Variants in TCEA2 observed in about 807,000 individuals in gnomAD.
TCEA2 encodes the protein transcription elongation factor A2.
Under a neutral mutation model 40.8 loss-of-function variants are expected in TCEA2, and 21 were observed. The ratio of observed to expected loss-of-function variants is 0.51; its 90% confidence interval spans 0.36 to 0.74. The LOEUF (loss-of-function observed/expected upper bound fraction) is 0.74. TCEA2 is among the 30% of genes least tolerant of loss of function. TCEA2 has a pLI of 0.00. For synonymous variants in TCEA2, 165 were observed against 162.7 expected (o/e 1.01, Z -0.11); for missense variants, 326 against 426.5 (o/e 0.76, Z 2.08).
Position 64,068,078 on chromosome 20 carries a change from G to C in TCEA2, c.273G>C (p.Gly91=). 1 of 1,608,448 alleles carries C rather than the reference G, an allele frequency of 6.2e-7. No individual in the cohort carries two copies. The highest frequency in any genetic ancestry group is 1.1e-5 in the South Asian group (1 of 89,588). ...DASDAKARER[G]RGMPLPTSSR... ...CCGATGCCAAAGCCAGGGAGCGGGGGAGGGGCATGCCTCTGCCCACGTCCT... is the reference window on the plus strand; with the variant it reads ...CCGATGCCAAAGCCAGGGAGCGGGGCAGGGGCATGCCTCTGCCCACGTCCT... Residue 91 remains glycine (G), a synonymous_variant, in exon 4 of 10, where the codon GGG becomes GGC. Transcript: ENST00000343484.
At chr20:64,058,629 G>A (rs1421994170), upstream of TCEA2, among the ~76,000 whole-genome samples, 2 of 152,222 alleles carry the variant, frequency 1.3e-5, no homozygotes, top group African/African-American at 2.4e-5. The surrounding 1 kb of genome is among the most constrained non-coding windows in gnomAD (Gnocchi z 6.7). Flanking sequence ...TGGAATTCAC[G>A]GGGTCATAAA....
chr20:64,056,991 C>G (rs2059480198), upstream of TCEA2: 1 of 152,336 alleles, frequency 6.6e-6, no homozygotes, highest in Admixed American at 6.5e-5. Flanking sequence ...GTGGAGGACA[C>G]CCTGGAGGAG....
upstream of TCEA2, among the ~76,000 whole-genome samples, chr20:64,055,608 C>T (rs962833520): frequency 2.6e-5 from 4 of 152,266 alleles, no homozygotes; most frequent in African/African-American, 9.6e-5. This position sits in a 1 kb window ranked among gnomAD's most constrained non-coding sequence, Gnocchi z 4.0. Context: ...GGATGAGGCT[C>T]AGAGGGAACA....
At chr20:64,059,326 C>T (rs982517552), upstream of TCEA2, among the ~76,000 whole-genome samples, 1 of 152,138 alleles carries the variant, frequency 6.6e-6, no homozygotes, top group Admixed American at 6.5e-5. Context: ...CCATCTTGCC[C>T]GACCGCCCCC....
chr20:64,071,209 G>A (rs1205641696), intron 8 of TCEA2, among the ~76,000 whole-genome samples: 1 of 152,190 alleles, frequency 6.6e-6, no homozygotes, highest in Non-Finnish European at 1.5e-5. Context: ...TTAGCTGGGC[G>A]TGGTGGCGCA....
chr20:64,070,370 T>C lies in TCEA2; in HGVS notation c.628T>C (p.Cys210Arg). Residue 210 changes from cysteine to arginine, a missense_variant, in exon 7 of 10, where the codon TGT (cysteine) becomes CGT (arginine). Coordinates refer to ENST00000343484, the MANE Select transcript of TCEA2 (RefSeq NM_003195.6). ...CCCTGACCTGCGGCGGAATGTGCTG[T>C]GTGGGGCCATAACACCCCAGCAGAT... is the stretch of plus-strand genomic sequence containing the variant. Reference protein sequence around the residue: ...KNPDLRRNVLCGAITPQQIAV... With the variant: ...KNPDLRRNVLRGAITPQQIAV... The C allele has an allele frequency of 6.2e-7, 1 of 1,614,190 alleles. No individual in the cohort carries two copies. Among genetic ancestry groups the C allele is most frequent in the African/African-American group, 1.3e-5 (1 of 75,054 alleles).
At position 64,069,409 on chromosome 20, in the gene TCEA2, C is replaced by G; in HGVS notation, c.378C>G (p.Thr126=). The G allele has an allele frequency of 6.2e-7, 1 of 1,612,260 alleles. No individual in the cohort carries two copies. Among genetic ancestry groups the G allele is most frequent in the South Asian group, 1.1e-5 (1 of 90,712 alleles). The change falls in exon 5 of 10, where the codon ACC becomes ACG. Residue 126 remains threonine (T), a synonymous_variant. Transcript: ENST00000343484. ...GGGCACCGTCGACTCCGAGGATCAC[C>G]ACATTTCCTCCGGTGCCTGTCACCT... ...LPRAPSTPRI[T]TFPPVPVTCD...
chr20:64,063,196 C>A, upstream of TCEA2: 1 of 927,448 alleles, frequency 1.1e-6, no homozygotes, highest in Non-Finnish European at 1.4e-6. Context: ...GGTCTGTCGT[C>A]CGCGGCGGGG....
At chr20:64,067,449 G>A (rs777962839) in intron 3 of TCEA2, among the ~76,000 whole-genome samples, 3 of 151,552 alleles carry the variant, frequency 2.0e-5, no homozygotes, top group Non-Finnish European at 2.9e-5. Flanking sequence ...GGAACAGAGG[G>A]GCAGCCCCCT....
chr20:64,072,326 T>G lies in TCEA2; in HGVS notation c.*146T>G. 1 of 887,348 alleles carries G rather than the reference T, an allele frequency of 1.1e-6. No individual in the cohort carries two copies. Among genetic ancestry groups the G allele is most frequent in the Non-Finnish European group, 1.7e-6 (1 of 574,960 alleles). The allele number at this position is 887,348 out of a possible 1,614,324, so 55.0% of individuals were successfully genotyped here. A position where few individuals can be genotyped will look rare whatever the true frequency, so the allele number is the denominator to read the frequency against. On this transcript the variant is annotated 3_prime_UTR_variant, in exon 10 of 10. Transcript: ENST00000343484. ...CACCTTTCTGCCCTTTCCCCCTCAT[T>G]ATTAAATGTTTCTTTTTGCCATCTT... is the stretch of plus-strand genomic sequence containing the variant.
intron 4 of TCEA2, among the ~76,000 whole-genome samples, 157 bp downstream of exon 4, chr20:64,068,291 G>A (rs749028362): frequency 3.3e-5 from 5 of 152,224 alleles, no homozygotes; most frequent in Admixed American, 6.5e-5. Context: ...GGTGTGTCCC[G>A]CCTGCACTGA....
At chr20:64,065,166 C>G (rs928200029) in intron 1 of TCEA2, among the ~76,000 whole-genome samples, 1 of 152,128 alleles carries the variant, frequency 6.6e-6, no homozygotes, top group Non-Finnish European at 1.5e-5. Flanking sequence ...CCTGAGCCCA[C>G]TGAGAGCCAC....
chr20:64,070,163 C>T, intron 6 of TCEA2, 97 bp from the exon 7 acceptor site: 3 of 1,550,646 alleles, frequency 1.9e-6, no homozygotes, highest in Non-Finnish European at 1.8e-6. Context: ...CTGGGCAGAA[C>T]CTTTCCAGCC....
At chr20:64,070,866 C>T (rs552554167) in intron 8 of TCEA2, among the ~76,000 whole-genome samples, 1 of 152,350 alleles carries the variant, frequency 6.6e-6, no homozygotes, top group South Asian at 2.1e-4. Context: ...GTTGCGGATA[C>T]TCAAGTCAGA....
chr20:64,062,048 G>A (rs1470803575), upstream of TCEA2, among the ~76,000 whole-genome samples: 13 of 152,218 alleles, frequency 8.5e-5, no homozygotes, highest in Admixed American at 8.5e-4. Flanking sequence ...TCTCTTAACT[G>A]ACCATATTTT....
chr20:64,062,599 G>A (rs1203449026), upstream of TCEA2: 2 of 152,222 alleles, frequency 1.3e-5, no homozygotes, highest in African/African-American at 4.8e-5. Flanking sequence ...ACGCAGCCTC[G>A]GCAGAGGCCC....
intron 6 of TCEA2, 118 bp downstream of exon 6, chr20:64,069,939 C>G: frequency 7.6e-7 from 1 of 1,310,388 alleles, no homozygotes; most frequent in Non-Finnish European, 1.1e-6. Flanking sequence ...GGTCACCTGC[C>G]TGGGTGGTCA....
At chr20:64,061,697 T>C (rs6011273), upstream of TCEA2, among the ~76,000 whole-genome samples, 149,597 of 152,274 alleles carry the variant, frequency 0.98, 73,525 homozygotes, top group East Asian at 1. Context: ...AGGGGTGAGC[T>C]ACTGTGCCCA....
Position 64,070,279 on chromosome 20 carries a change from A to C in TCEA2, c.537A>C (p.Gly179=), listed in dbSNP as rs1474797485. The C allele has an allele frequency of 1.9e-6, 3 of 1,614,206 alleles. No individual in the cohort carries two copies. Among genetic ancestry groups the C allele is most frequent in the Non-Finnish European group, 2.5e-6 (3 of 1,180,034 alleles). The change falls in exon 7 of 10, where the codon GGA becomes GGC. Residue 179 remains glycine (G), a synonymous_variant. Coordinates refer to ENST00000343484, the MANE Select transcript of TCEA2 (RefSeq NM_003195.6). Reference sequence around the variant, plus strand: ...TTGCACGCATCTTCCGGGACGTTGGAAACACAGACATGAAGTATAAGAACC... The same window carrying C: ...TTGCACGCATCTTCCGGGACGTTGGCAACACAGACATGAAGTATAAGAACC... ...QIEECIFRDV[G]NTDMKYKNRV...
Sources: allele counts gnomAD v4.1 joint callset (sites outside exome capture counted in the v4.1 genomes callset), GRCh38; gene constraint gnomAD v4.1.1; non-coding constraint Gnocchi (gnomAD v3.1); transcripts MANE v1.5; gene names NCBI Gene and HGNC (gene_info 2026-07-23, HGNC 2026-07-21).